Variants in ZNF438 observed in about 807,000 individuals in gnomAD.
ZNF438 encodes zinc finger protein 438.
ZNF438 carries 25 observed loss-of-function variants against 38.0 expected under a neutral mutation model. The observed-to-expected ratio is 0.66, with a 90% CI of 0.48 to 0.92. ZNF438 has a LOEUF of 0.92. Ranked by LOEUF, ZNF438 falls within the 40% of genes least tolerant of loss-of-function variation. The pLI is 0.00. For missense variants in ZNF438, 1,007 were observed against 999.6 expected (o/e 1.01, Z -0.10); for synonymous variants, 372 against 364.1 (o/e 1.02, Z -0.25).
intron 1 of ZNF438, among the ~76,000 whole-genome samples, chr10:30,972,244 C>T (rs1257253319): frequency 6.6e-6 from 1 of 152,198 alleles, no homozygotes; most frequent in Non-Finnish European, 1.5e-5. Context: ...GCTGGGATTA[C>T]AAGCGTGAGC....
chr10:30,948,256 C>G (rs928166015), intron 1 of ZNF438, among the ~76,000 whole-genome samples: 9 of 152,122 alleles, frequency 5.9e-5, no homozygotes, highest in African/African-American at 1.9e-4. Context: ...CTGTACATCA[C>G]CATCATCAAA....
intron 4 of ZNF438, among the ~76,000 whole-genome samples, chr10:30,872,215 G>T (rs1588912933): frequency 2.0e-5 from 3 of 151,678 alleles, no homozygotes; most frequent in East Asian, 3.9e-4. Flanking sequence ...AAGCCAGGGG[G>T]TTAAATTCAA....
intron 1 of ZNF438, among the ~76,000 whole-genome samples, chr10:30,973,289 T>A (rs2050952336): frequency 1.3e-5 from 2 of 152,232 alleles, no homozygotes; most frequent in South Asian, 4.1e-4. Context: ...GGACTATAAA[T>A]GCCTTGAGAA....
intron 4 of ZNF438, among the ~76,000 whole-genome samples, chr10:30,873,946 A>T (rs955862466): frequency 1.3e-5 from 2 of 152,204 alleles, no homozygotes; most frequent in Non-Finnish European, 2.9e-5. Context: ...ATTCAAAGGT[A>T]TCATAATTTA....
chr10:30,934,046 T>G lies in ZNF438; in HGVS notation c.-115+7529A>C, dbSNP rs563803294. On this transcript the variant is annotated intron_variant, in intron 2 of 5. Coordinates refer to ENST00000413025, the Ensembl canonical transcript of ZNF438. Reference sequence around the variant, plus strand: ...CTGTAGTCCCAGCTACTCGGGAGGCTGAGGCAAGAGAATGGTGTGAACCCG... The same window carrying G: ...CTGTAGTCCCAGCTACTCGGGAGGCGGAGGCAAGAGAATGGTGTGAACCCG... 7.9e-5 allele frequency among the ~76,000 whole-genome samples: 12 copies of G among 151,508 alleles called. No individual in the cohort carries two copies. In the South Asian group the frequency reaches 2.5e-3, roughly 32 times the overall value.
At chr10:30,921,801 C>T (rs1564645855) in intron 2 of ZNF438, among the ~76,000 whole-genome samples, 1 of 152,130 alleles carries the variant, frequency 6.6e-6, no homozygotes, top group Non-Finnish European at 1.5e-5. Flanking sequence ...AGTTTTAAGG[C>T]AATCTATTTC....
At chr10:30,983,519 CAT>C (rs1457552710) in intron 1 of ZNF438, among the ~76,000 whole-genome samples, 1 of 152,142 alleles carries the variant, frequency 6.6e-6, no homozygotes, top group African/African-American at 2.4e-5. Flanking sequence ...AATTCGCCCT[CAT>C]GATCCAATCA....
intron 1 of ZNF438, among the ~76,000 whole-genome samples, chr10:31,009,029 G>C (rs745370683): frequency 6.6e-6 from 1 of 152,120 alleles, no homozygotes; most frequent in South Asian, 2.1e-4. Context: ...GCATCTTTTC[G>C]TGTGCTTATC....
At chr10:30,930,824 A>AAAAAAAAAAAAAAAAAAAAAAAAG (rs1366987956) in intron 2 of ZNF438, among the ~76,000 whole-genome samples, 1 of 121,518 alleles carries the variant, frequency 8.2e-6, no homozygotes, top group South Asian at 2.7e-4. Context: ...AAAAAAAAAA[A>AAAAAAAAAAAAAAAAAAAAAAAAG]AAAAAAAAAA....
chr10:30,987,419 T>C (rs968276004), intron 1 of ZNF438, among the ~76,000 whole-genome samples: 2 of 152,052 alleles, frequency 1.3e-5, no homozygotes, highest in African/African-American at 2.4e-5. Flanking sequence ...TTGTTATCTA[T>C]CTTAGAATTC....
chr10:30,932,574 T>C (rs1340750004), intron 2 of ZNF438, among the ~76,000 whole-genome samples: 1 of 152,152 alleles, frequency 6.6e-6, no homozygotes, highest in African/African-American at 2.4e-5. Context: ...CAAGATCACA[T>C]AGCAAATAAG....
chr10:30,899,660 C>CCA (rs1282570767), intron 3 of ZNF438, among the ~76,000 whole-genome samples: 1 of 151,864 alleles, frequency 6.6e-6, no homozygotes, highest in Non-Finnish European at 1.5e-5. Context: ...CCCCACCCCC[C>CCA]CACACACAGG....
intron 1 of ZNF438, among the ~76,000 whole-genome samples, chr10:30,975,243 G>GA (rs1564774308): frequency 2.0e-5 from 3 of 152,048 alleles, no homozygotes; most frequent in Non-Finnish European, 2.9e-5. Context: ...AGCATGTTCT[G>GA]AAAAAAACTA....
At chr10:30,939,362 G>A (rs993921652) in intron 2 of ZNF438, among the ~76,000 whole-genome samples, 1 of 152,202 alleles carries the variant, frequency 6.6e-6, no homozygotes, top group Non-Finnish European at 1.5e-5. Flanking sequence ...CTGATGTGAT[G>A]TCAAATACAG....
At chr10:30,914,686 C>T (rs1404200660) in intron 2 of ZNF438, among the ~76,000 whole-genome samples, 2 of 151,928 alleles carry the variant, frequency 1.3e-5, no homozygotes, top group Non-Finnish European at 2.9e-5. Context: ...TATATATACT[C>T]GACTACAGAA....
intron 4 of ZNF438, among the ~76,000 whole-genome samples, chr10:30,874,798 TTATAA>T (rs1327432251): frequency 2.0e-5 from 3 of 150,714 alleles, no homozygotes; most frequent in Admixed American, 1.3e-4. Context: ...AGAAATATCT[TTATAA>T]ATTAAATATT....
At chr10:30,849,507 T>C (rs772738699) in exon 5 of ZNF438, 2 of 1,614,236 alleles carry the variant, frequency 1.2e-6, no homozygotes, top group African/African-American at 1.3e-5. Flanking sequence ...ATTGTCTTCA[T>C]TCTTGAGTAG....
intron 4 of ZNF438, among the ~76,000 whole-genome samples, chr10:30,859,607 T>C (rs2035249534): frequency 6.6e-6 from 1 of 152,184 alleles, no homozygotes; most frequent in Non-Finnish European, 1.5e-5. Flanking sequence ...GGCACTTCAC[T>C]CTCTGTGCCT....
intron 1 of ZNF438, among the ~76,000 whole-genome samples, chr10:30,997,704 T>C: frequency 6.6e-6 from 1 of 152,164 alleles, no homozygotes; most frequent in Non-Finnish European, 1.5e-5. Flanking sequence ...CAATTTTAGC[T>C]AATGAGGTCA....
Sources: allele counts gnomAD v4.1 joint callset (sites outside exome capture counted in the v4.1 genomes callset), GRCh38; gene constraint gnomAD v4.1.1; transcripts MANE v1.5; gene names NCBI Gene and HGNC (gene_info 2026-07-23, HGNC 2026-07-21).